Variants in RNF212B observed in about 807,000 individuals in gnomAD.
RNF212B encodes ring finger protein 212B.
In RNF212B, 52 loss-of-function variants were observed where a neutral mutation model predicts 55.5. The ratio of observed to expected loss-of-function variants is 0.94; its 90% CI spans 0.75 to 1.18. The LOEUF (loss-of-function observed/expected upper bound fraction) is 1.18. RNF212B is among the 50% of genes most tolerant of loss of function. RNF212B has a pLI of 0.00. For synonymous variants in RNF212B, 99 were observed against 121.4 expected (o/e 0.82, Z 1.21); for missense variants, 289 against 350.4 (o/e 0.82, Z 1.40).
chr14:23,257,526 G>A (rs773937790), intron 4 of RNF212B, among the ~76,000 whole-genome samples: 1 of 152,150 alleles, frequency 6.6e-6, no homozygotes, highest in Non-Finnish European at 1.5e-5. Context: ...AAAAGTTTAT[G>A]AGAAGAGTAC....
chr14:23,266,404 G>GT (rs57731750), intron 11 of RNF212B, among the ~76,000 whole-genome samples: 1,254 of 46,770 alleles, frequency 0.027, 61 homozygotes, highest in African/African-American at 0.061. Flanking sequence ...CCTTTTAAAT[G>GT]TTTTTTTTTT....
At chr14:23,219,573 G>C (rs1881383560) in intron 2 of RNF212B, among the ~76,000 whole-genome samples, 1 of 151,650 alleles carries the variant, frequency 6.6e-6, no homozygotes, top group Admixed American at 6.6e-5. Context: ...CTGGGTTCAA[G>C]TGATTCTTGT....
intron 12 of RNF212B, 145 bp from the exon 13 acceptor site, chr14:23,269,718 A>G (rs1199113185): frequency 1.7e-6 from 1 of 592,994 alleles, no homozygotes; most frequent in African/African-American, 2.0e-5. Context: ...TCTCAAAAAA[A>G]AAAAAAGAAA....
chr14:23,248,322 T>G (rs1884138749), intron 4 of RNF212B, among the ~76,000 whole-genome samples: 1 of 150,334 alleles, frequency 6.7e-6, no homozygotes, highest in South Asian at 2.1e-4. Flanking sequence ...TTTTAATAGA[T>G]ACAGGGTTTT....
intron 2 of RNF212B, among the ~76,000 whole-genome samples, chr14:23,241,315 G>A (rs1295457134): frequency 6.6e-6 from 1 of 152,188 alleles, no homozygotes; most frequent in Non-Finnish European, 1.5e-5. Flanking sequence ...GGTAAGAAGT[G>A]GTGAGAGATG....
At chr14:23,241,129 CAGA>C (rs1427534782) in intron 2 of RNF212B, among the ~76,000 whole-genome samples, 2 of 151,982 alleles carry the variant, frequency 1.3e-5, no homozygotes, top group African/African-American at 4.8e-5. Flanking sequence ...GAAGACTTCA[CAGA>C]AGGAGTGATT....
intron 3 of RNF212B, 123 bp from the exon 4 acceptor site, chr14:23,244,199 T>C: frequency 1.8e-6 from 1 of 544,426 alleles, no homozygotes. Flanking sequence ...GATCTCCCTT[T>C]TACACACAGT....
chr14:23,205,167 T>C (rs1879708561), intron 2 of RNF212B, among the ~76,000 whole-genome samples: 1 of 152,100 alleles, frequency 6.6e-6, no homozygotes, highest in Admixed American at 6.6e-5. Flanking sequence ...GCTTTCTTAC[T>C]ACACACACAA....
upstream of RNF212B, among the ~76,000 whole-genome samples, chr14:23,233,416 A>G (rs1452537953): frequency 1.3e-5 from 2 of 151,328 alleles, no homozygotes; most frequent in African/African-American, 2.4e-5. Flanking sequence ...AAAAAAAAAA[A>G]AAGAATATTT....
intron 7 of RNF212B, among the ~76,000 whole-genome samples, chr14:23,261,538 G>T (rs965890288): frequency 1.3e-5 from 2 of 152,190 alleles, no homozygotes; most frequent in Non-Finnish European, 2.9e-5. Context: ...GCATTAGGTG[G>T]AGTTAGATGG....
At chr14:23,242,732 CG>C (rs1015977119) in intron 2 of RNF212B, among the ~76,000 whole-genome samples, 1 of 151,890 alleles carries the variant, frequency 6.6e-6, no homozygotes, top group African/African-American at 2.4e-5. Context: ...CACCACTTTG[CG>C]GGGGCCAAGG....
intron 2 of RNF212B, among the ~76,000 whole-genome samples, chr14:23,211,502 T>G (rs1343631322): frequency 6.6e-6 from 1 of 152,140 alleles, no homozygotes; most frequent in African/African-American, 2.4e-5. Context: ...AGTTCCCCAA[T>G]GATTCTTAGA....
chr14:23,224,142 A>G (rs761948872), intron 2 of RNF212B, among the ~76,000 whole-genome samples: 3 of 152,144 alleles, frequency 2.0e-5, no homozygotes, highest in Non-Finnish European at 4.4e-5. Context: ...AAGAATCAAC[A>G]TTGTTAAAAT....
chr14:23,237,331 T>C (rs1883187011), upstream of RNF212B, among the ~76,000 whole-genome samples: 1 of 152,172 alleles, frequency 6.6e-6, no homozygotes, highest in African/African-American at 2.4e-5. Flanking sequence ...GGTTTCGCCA[T>C]GTTGGCCAGT....
intron 2 of RNF212B, among the ~76,000 whole-genome samples, chr14:23,211,412 G>A (rs1430072252): frequency 1.3e-5 from 2 of 151,978 alleles, no homozygotes; most frequent in Non-Finnish European, 2.9e-5. Context: ...TGGCTTCACT[G>A]GTAAGTTCTA....
At chr14:23,244,532 C>T in intron 4 of RNF212B, 136 bp downstream of exon 4, 2 of 564,272 alleles carry the variant, frequency 3.5e-6, no homozygotes, top group Non-Finnish European at 6.2e-6. Flanking sequence ...TGCTTTCTTC[C>T]TTGATGATAC....
At chr14:23,263,480 T>C (rs1885451253) in intron 9 of RNF212B, among the ~76,000 whole-genome samples, 2 of 152,186 alleles carry the variant, frequency 1.3e-5, no homozygotes, top group South Asian at 4.1e-4. Context: ...GACAAACTGG[T>C]AATCAATGAC....
intron 4 of RNF212B, among the ~76,000 whole-genome samples, 195 bp downstream of exon 4, chr14:23,244,591 G>A (rs1421024584): frequency 1.3e-5 from 2 of 152,214 alleles, no homozygotes; most frequent in Non-Finnish European, 2.9e-5. Context: ...GTGATAGGCT[G>A]TAAAAGTCAC....
At chr14:23,233,215 G>C (rs975033177), upstream of RNF212B, among the ~76,000 whole-genome samples, 62 of 152,212 alleles carry the variant, frequency 4.1e-4, no homozygotes, top group African/African-American at 1.2e-3. Flanking sequence ...GCAGCATGCT[G>C]GTTAAGAGTC....
Sources: allele counts gnomAD v4.1 joint callset (sites outside exome capture counted in the v4.1 genomes callset), GRCh38; gene constraint gnomAD v4.1.1; transcripts MANE v1.5; gene names NCBI Gene and HGNC (gene_info 2026-07-23, HGNC 2026-07-21).